Variants in KDM5A observed in about 807,000 individuals in gnomAD.
KDM5A encodes lysine demethylase 5A, also known as lysine-specific demethylase 5A.
A neutral mutation model predicts 193.5 loss-of-function variants in KDM5A; 42 were observed. The observed-to-expected ratio is 0.22, with a 90% CI of 0.17 to 0.28. The LOEUF (loss-of-function observed/expected upper bound fraction) is 0.28. Ranked by LOEUF, KDM5A falls within the 10% of genes least tolerant of loss-of-function variation. The pLI, the probability that KDM5A is intolerant of heterozygous loss-of-function variation, is 1.00. For missense variants in KDM5A, 1,692 were observed against 2,055.1 expected (o/e 0.82, Z 3.42); for synonymous variants, 796 against 718.1 (o/e 1.11, Z -1.73).
chr12:373,740 C>A (rs1944464147), intron 3 of KDM5A, among the ~76,000 whole-genome samples: 1 of 152,212 alleles, frequency 6.6e-6, no homozygotes. Flanking sequence ...TCCCTCTACA[C>A]ACTGCTTTGA....
chr12:352,123 A>C (rs1380761430), intron 9 of KDM5A, 82 bp downstream of exon 9: 1 of 1,041,540 alleles, frequency 9.6e-7, no homozygotes, highest in Admixed American at 2.5e-5. Context: ...AAAAAAAAAA[A>C]AAAAAAAGAG....
chr12:354,204 G>A lies in KDM5A; in HGVS notation c.901C>T (p.Arg301Trp), dbSNP rs749556390. The A allele has an allele frequency of 6.2e-6, 10 of 1,609,034 alleles. No individual in the cohort carries two copies. The highest frequency in any genetic ancestry group is 2.2e-5 in the East Asian group (1 of 44,800). Residue 301 changes from arginine to tryptophan, a missense_variant, in exon 8 of 28, where the codon CGG becomes TGG. By Grantham distance (101) the Arg-to-Trp change is moderately radical (BLOSUM62 -3). Transcript: ENST00000399788. ...AGCAATTTATCTTCATTGTTTCCCCGACCACAAAACATACAAACATAGAGA... is the reference window on the plus strand; with the variant it reads ...AGCAATTTATCTTCATTGTTTCCCCAACCACAAAACATACAAACATAGAGA... ...VDLYVCMFCG[R>W]GNNEDKLLLC...
chr12:340,312 A>G (rs1943984961), intron 10 of KDM5A, among the ~76,000 whole-genome samples: 2 of 152,162 alleles, frequency 1.3e-5, no homozygotes, highest in African/African-American at 4.8e-5. Context: ...CCATTTTGAA[A>G]GCAAATCCAT....
In KDM5A at chr12:309,909, T is replaced by C. The variant is rs2137392696; in HGVS notation, c.3272A>G (p.Lys1091Arg). The change falls in exon 22 of 28, where the codon AAA (lysine) becomes AGA (arginine). Residue 1091 changes from lysine (K) to arginine (R), a missense_variant. By Grantham distance (26) the Lys-to-Arg change is conservative. Transcript: ENST00000399788. ...GVYGSGKNRR[K>R]KVKELIEKEK... ...TTTTTCTATTAGTTCTTTTACTTTT[T>C]TCCTCCTATTTTTGCCACTCCCATA... 6.2e-7 allele frequency: 1 copy of C among 1,613,670 alleles called. No individual in the cohort carries two copies. Among genetic ancestry groups the C allele is most frequent in the East Asian group, 2.2e-5 (1 of 44,878 alleles).
intron 5 of KDM5A, among the ~76,000 whole-genome samples, chr12:358,866 C>T (rs1420757449): frequency 6.6e-6 from 1 of 151,896 alleles, no homozygotes; most frequent in Non-Finnish European, 1.5e-5. Flanking sequence ...CAGCTACTCA[C>T]AAGGCTGAGG....
At chr12:312,953 G>C in intron 20 of KDM5A, 103 bp downstream of exon 20, 1 of 1,276,796 alleles carries the variant, frequency 7.8e-7, no homozygotes, top group Non-Finnish European at 1.1e-6. Context: ...GTTAGGGATC[G>C]TTTGTATTAT....
chr12:311,865 C>A (rs1046800115), intron 20 of KDM5A, among the ~76,000 whole-genome samples: 1 of 152,166 alleles, frequency 6.6e-6, no homozygotes, highest in Non-Finnish European at 1.5e-5. Flanking sequence ...GAAACTCCGG[C>A]TCTACCAAAA....
chr12:319,921 G>A (rs1302250568), intron 18 of KDM5A, among the ~76,000 whole-genome samples: 1 of 152,110 alleles, frequency 6.6e-6, no homozygotes, highest in East Asian at 1.9e-4. Context: ...TAATGTCACT[G>A]GGCAAATAAG....
intron 27 of KDM5A, among the ~76,000 whole-genome samples, chr12:289,499 G>A (rs1308176009): frequency 1.3e-5 from 2 of 151,732 alleles, no homozygotes; most frequent in Admixed American, 1.3e-4. Context: ...TGAAACTGAG[G>A]CTAGGCACAT....
rs773667986 is a variant in KDM5A at position 309,763 on chromosome 12, T to C, written c.3378+40A>G. ...CTGCTAATATCTCTACAGAGTTTTGTATTCACCAAGCAAACTCAAGATGCT... is the reference window on the plus strand; with the variant it reads ...CTGCTAATATCTCTACAGAGTTTTGCATTCACCAAGCAAACTCAAGATGCT... On this transcript the variant is annotated intron_variant, in intron 22 of 27. Transcript: ENST00000399788. 5.0e-6 allele frequency: 8 copies of C among 1,604,768 alleles called. No homozygotes were observed. The African/African-American group carries it at 9.4e-5, about 19-fold the overall frequency.
intron 8 of KDM5A, among the ~76,000 whole-genome samples, chr12:353,822 T>C (rs571450921): frequency 6.6e-6 from 1 of 150,842 alleles, no homozygotes; most frequent in Non-Finnish European, 1.5e-5. Flanking sequence ...CTTCGGAGGC[T>C]GAGGCAGGAG....
At chr12:328,315 T>C (rs951312715) in intron 14 of KDM5A, among the ~76,000 whole-genome samples, 3 of 152,168 alleles carry the variant, frequency 2.0e-5, no homozygotes, top group East Asian at 1.9e-4. Flanking sequence ...TAGGAAATAT[T>C]AGAACAGGCC....
intron 19 of KDM5A, among the ~76,000 whole-genome samples, chr12:314,610 A>G (rs1255201932): frequency 1.3e-5 from 2 of 152,194 alleles, no homozygotes; most frequent in African/African-American, 4.8e-5. Context: ...AGGAGAACCT[A>G]ATTGACTTGG....
rs200500782 is a variant in KDM5A, at chr12:331,849, A to G, written c.1743T>C (p.Ala581=). The G allele has an allele frequency of 6.2e-7, 1 of 1,614,106 alleles. No individual in the cohort carries two copies. Among genetic ancestry groups the G allele is most frequent in the Admixed American group, 1.7e-5 (1 of 60,012 alleles). The part of the protein sequence containing the change: ...HSGFNQGYNF[A]EAVNFCTADW... Reference sequence around the variant, plus strand: ...CAGCAGTACAGAAGTTCACAGCTTCAGCAAAGTTGTAGCCCTGGTTAAATC... The same window carrying G: ...CAGCAGTACAGAAGTTCACAGCTTCGGCAAAGTTGTAGCCCTGGTTAAATC... Residue 581 remains alanine (A), a synonymous_variant, in exon 13 of 28, where the codon GCT becomes GCC. Coordinates refer to ENST00000399788, the MANE Select transcript of KDM5A (RefSeq NM_001042603.3).
intron 3 of KDM5A, among the ~76,000 whole-genome samples, chr12:373,712 CA>C (rs1230642776): frequency 6.6e-6 from 1 of 152,154 alleles, no homozygotes; most frequent in African/African-American, 2.4e-5. Flanking sequence ...CTCTTGTGGG[CA>C]TTTAGTGCTA....
chr12:364,097 T>C (rs1193566920), intron 4 of KDM5A, among the ~76,000 whole-genome samples: 2 of 152,174 alleles, frequency 1.3e-5, no homozygotes, highest in Non-Finnish European at 2.9e-5. Flanking sequence ...GACCAGGATG[T>C]GGAAAAACTA....
Position 352,253 on chromosome 12 carries a change from T to G in KDM5A, c.1101A>C (p.Gly367=), listed in dbSNP as rs1364122668. The G allele has an allele frequency of 6.2e-7, 1 of 1,611,950 alleles. No homozygotes were observed. The highest frequency in any genetic ancestry group is 1.7e-5 in the Admixed American group (1 of 59,942). ...AVREYTLQSF[G]EMADNFKSDY... Reference sequence around the variant, plus strand: ...CAGACTTAAAATTATCTGCCATCTCTCCAAAGCTCTGAAGTGTATACTCTC... The same window carrying G: ...CAGACTTAAAATTATCTGCCATCTCGCCAAAGCTCTGAAGTGTATACTCTC... The change falls in exon 9 of 28, where the codon GGA becomes GGC. Residue 367 remains glycine, a synonymous_variant. Coordinates refer to ENST00000399788, the MANE Select transcript of KDM5A (RefSeq NM_001042603.3).
chr12:283,917 G>C lies in KDM5A; in HGVS notation c.*1539C>G, dbSNP rs1591892023. 1 of 233,096 alleles carries C rather than the reference G, an allele frequency of 4.3e-6. No individual in the cohort carries two copies. Among genetic ancestry groups the C allele is most frequent in the East Asian group, 6.0e-5 (1 of 16,564 alleles). The allele number at this position is 233,096 out of a possible 1,614,324, so 14.4% of individuals were successfully genotyped here. On this transcript the variant is annotated 3_prime_UTR_variant, in exon 28 of 28. Coordinates refer to ENST00000399788, the MANE Select transcript of KDM5A (RefSeq NM_001042603.3). ...ACAGAGAACACAACAGGAGGGAAGA[G>C]GACACAGCACCATAGTTTCAAACAT...
rs758128219 is a variant in KDM5A, at chr12:363,033, G to C, written c.602C>G (p.Thr201Ser). 1 of 1,614,100 alleles carries C rather than the reference G, an allele frequency of 6.2e-7. No homozygotes were observed. The highest frequency in any genetic ancestry group is 1.1e-5 in the South Asian group (1 of 91,080). The stretch of plus-strand genomic sequence containing the variant: ...TGTGCCTGGCTCTGGGGAAGTTTGG[G>C]TATCAGTGCTGAGAACCTCAGGCTC... ...KVEPEVLSTD[T>S]QTSPEPGTRM... The change falls in exon 5 of 28, where the codon ACC (threonine) becomes AGC (serine). Residue 201 changes from threonine to serine, a missense_variant. Thr to Ser is a moderately conservative substitution (Grantham distance 58). This residue lies in a region of KDM5A where 134 missense variants were observed against 124.2 expected (regional missense o/e 1.08). Transcript: ENST00000399788.
Sources: gnomAD v4.1 joint callset for allele counts (sites outside exome capture counted in the v4.1 genomes callset) on GRCh38, gnomAD v4.1.1 for gene constraint, gnomAD v4.1.1 regional missense constraint, MANE v1.5 for transcripts, NCBI Gene and HGNC (gene_info 2026-07-23, HGNC 2026-07-21) for gene names.